MAGI3: variants seen among roughly 807,000 people sequenced by gnomAD.
MAGI3 encodes the protein membrane-associated guanylate kinase, WW and PDZ domain-containing protein 3.
Under a neutral mutation model 121.8 loss-of-function variants are expected in MAGI3, and 43 were observed. That is an observed-to-expected ratio of 0.35 (90% CI 0.28 to 0.46). MAGI3 has a LOEUF of 0.46. MAGI3 is among the 20% of genes least tolerant of loss of function. The pLI is 1.00. For synonymous variants in MAGI3, 553 were observed against 639.3 expected (o/e 0.86, Z 2.04); for missense variants, 1,547 against 1,797.3 (o/e 0.86, Z 2.52).
chr1:113,586,383 C>T (rs928735475), intron 4 of MAGI3, among the ~76,000 whole-genome samples: 1 of 152,156 alleles, frequency 6.6e-6, no homozygotes, highest in Non-Finnish European at 1.5e-5. Context: ...TTGCAGAACA[C>T]ATTTCCTTAT....
chr1:113,425,975 G>C (rs1454746195), intron 1 of MAGI3, among the ~76,000 whole-genome samples: 2 of 150,890 alleles, frequency 1.3e-5, no homozygotes, highest in Non-Finnish European at 3.0e-5. Flanking sequence ...TCTTTTTCTA[G>C]TTTCTTGAGG....
At chr1:113,567,838 A>C (rs1002035869) in intron 2 of MAGI3, among the ~76,000 whole-genome samples, 2 of 152,074 alleles carry the variant, frequency 1.3e-5, no homozygotes, top group African/African-American at 4.8e-5. Context: ...ACTATTCAAC[A>C]TAGTACTGGA....
chr1:113,576,356 C>G (rs1313063941), intron 2 of MAGI3, among the ~76,000 whole-genome samples: 1 of 152,186 alleles, frequency 6.6e-6, no homozygotes, highest in Admixed American at 6.5e-5. Flanking sequence ...GTGGGAAAAG[C>G]ATAGTATTTG....
intron 19 of MAGI3, among the ~76,000 whole-genome samples, chr1:113,678,575 G>A (rs956691171): frequency 6.6e-6 from 1 of 152,146 alleles, no homozygotes; most frequent in Non-Finnish European, 1.5e-5. Context: ...TTTCATAGTT[G>A]ACTTGAATTT....
chr1:113,560,413 C>A (rs76845381), intron 2 of MAGI3, among the ~76,000 whole-genome samples: 10,882 of 132,622 alleles, frequency 0.082, 537 homozygotes, highest in Middle Eastern at 0.17. Context: ...ACAAAAAAAA[C>A]CAAAAAAACA....
At chr1:113,560,944 C>A (rs1660209525) in intron 2 of MAGI3, among the ~76,000 whole-genome samples, 1 of 152,028 alleles carries the variant, frequency 6.6e-6, no homozygotes, top group South Asian at 2.1e-4. Context: ...CCACCACTGA[C>A]CCCACAGAAA....
chr1:113,629,366 C>T (rs1169773139), intron 9 of MAGI3, among the ~76,000 whole-genome samples: 1 of 152,154 alleles, frequency 6.6e-6, no homozygotes, highest in Non-Finnish European at 1.5e-5. Flanking sequence ...CTCAAAACAA[C>T]TATTTTTAAT....
At chr1:113,565,858 T>TG (rs1161604487) in intron 2 of MAGI3, among the ~76,000 whole-genome samples, 1 of 152,256 alleles carries the variant, frequency 6.6e-6, no homozygotes, top group Non-Finnish European at 1.5e-5. Context: ...CTCTCCCACA[T>TG]GCTTCTGTCC....
intron 2 of MAGI3, among the ~76,000 whole-genome samples, chr1:113,575,980 C>T (rs1647607737): frequency 6.6e-6 from 1 of 152,174 alleles, no homozygotes; most frequent in African/African-American, 2.4e-5. Flanking sequence ...TGGCGGCTTC[C>T]TTAACACTGT....
intron 1 of MAGI3, among the ~76,000 whole-genome samples, chr1:113,395,238 A>C (rs1193092292): frequency 6.6e-6 from 1 of 151,158 alleles, no homozygotes; most frequent in Non-Finnish European, 1.5e-5. Context: ...ATTTCTTCGT[A>C]CCTTTTTTAA....
chr1:113,487,866 A>G (rs1022653652), intron 1 of MAGI3, among the ~76,000 whole-genome samples: 9 of 152,070 alleles, frequency 5.9e-5, no homozygotes, highest in Non-Finnish European at 1.0e-4. Flanking sequence ...TTTGCAAGCA[A>G]TTTTATTGGC....
chr1:113,675,496 A>C (rs1647814812), intron 19 of MAGI3, among the ~76,000 whole-genome samples: 1 of 152,202 alleles, frequency 6.6e-6, no homozygotes, highest in Admixed American at 6.5e-5. Context: ...GGTGAAGGGA[A>C]CAGCTAGTAG....
intron 1 of MAGI3, among the ~76,000 whole-genome samples, chr1:113,524,130 A>C (rs1400312112): frequency 1.3e-5 from 2 of 152,134 alleles, no homozygotes. Flanking sequence ...GAGATTTGGA[A>C]ACCTCTGCCT....
At chr1:113,456,673 TA>T (rs1440206941) in intron 1 of MAGI3, among the ~76,000 whole-genome samples, 3 of 152,200 alleles carry the variant, frequency 2.0e-5, no homozygotes, top group Non-Finnish European at 4.4e-5. Flanking sequence ...AAGAGTTTGA[TA>T]AAACTCAATA....
chr1:113,467,357 C>A (rs1272169080), intron 1 of MAGI3, among the ~76,000 whole-genome samples: 5 of 152,098 alleles, frequency 3.3e-5, no homozygotes, highest in African/African-American at 1.2e-4. Context: ...TGTTTTGTGG[C>A]CTAAGATATG....
rs568368020 is a variant in MAGI3 at position 113,447,777 on chromosome 1, C to T, written c.316+56428C>T. 4.6e-5 allele frequency among the ~76,000 whole-genome samples: 7 copies of T among 152,122 alleles called. No homozygotes were observed. In the East Asian group the frequency reaches 1.4e-3, roughly 29 times the overall value. The stretch of plus-strand genomic sequence containing the variant: ...GCAGAGACAGGAAAATTGCTTGAAT[C>T]TGGGAGGCGGACGTTGCAGTAGAGC... On this transcript the variant is annotated intron_variant, in intron 1 of 20. Coordinates refer to ENST00000307546, the MANE Select transcript of MAGI3 (RefSeq NM_001142782.2).
chr1:113,564,793 A>T (rs1660374837), intron 2 of MAGI3, among the ~76,000 whole-genome samples: 1 of 152,184 alleles, frequency 6.6e-6, no homozygotes. Flanking sequence ...ATACGTATTT[A>T]GTATTTGAAT....
chr1:113,683,402 G>A lies in MAGI3; in HGVS notation c.3834G>A (p.Gln1278=), dbSNP rs750253080. 1.2e-6 allele frequency: 2 copies of A among 1,613,988 alleles called. No individual in the cohort carries two copies. The highest frequency in any genetic ancestry group is 3.3e-5 in the Admixed American group (2 of 60,016). Residue 1278 remains glutamine, a synonymous_variant, in exon 21 of 21, where the codon CAG becomes CAA. Coordinates refer to ENST00000307546, the MANE Select transcript of MAGI3 (RefSeq NM_001142782.2). The stretch of plus-strand genomic sequence containing the variant: ...CCAGGGCAGGCTCTGGACAAGATCA[G>A]TGCAGAAAAAGCAGAGGTCGGTCGG... ...VSTRAGSGQD[Q]CRKSRGRSAS...
intron 2 of MAGI3, among the ~76,000 whole-genome samples, chr1:113,576,059 C>T (rs1308920931): frequency 2.0e-5 from 3 of 152,200 alleles, no homozygotes; most frequent in Admixed American, 6.5e-5. Flanking sequence ...CTCGATCATC[C>T]CAGGTGGACT....
Sources: gnomAD v4.1 joint callset for allele counts (sites outside exome capture counted in the v4.1 genomes callset) on GRCh38, gnomAD v4.1.1 for gene constraint, MANE v1.5 for transcripts, NCBI Gene and HGNC (gene_info 2026-07-23, HGNC 2026-07-21) for gene names.